ZNF486: variants seen among roughly 807,000 people sequenced by gnomAD.
ZNF486 encodes the protein KRAB box only protein 2.
Under a neutral mutation model 12.8 loss-of-function variants are expected in ZNF486, and 12 were observed. The observed-to-expected ratio is 0.94, with a 90% CI of 0.60 to 1.52. The LOEUF (loss-of-function observed/expected upper bound fraction) is 1.52, where lower values mean the gene tolerates loss of function less well. Ranked by LOEUF, ZNF486 falls within the 40% of genes most tolerant of loss-of-function variation. The pLI, the probability that ZNF486 is intolerant of heterozygous loss-of-function variation, is 0.00. For synonymous variants in ZNF486, 231 were observed against 184.9 expected (o/e 1.25, Z -2.02); for missense variants, 738 against 545.0 (o/e 1.35, Z -3.53).
chr19:20,168,085 G>T (rs1555713277), intron 1 of ZNF486, among the ~76,000 whole-genome samples: 2 of 152,142 alleles, frequency 1.3e-5, no homozygotes, highest in Admixed American at 6.5e-5. Context: ...TTCCTGGTCG[G>T]GCGCGGTGGC....
At chr19:20,191,921 A>G (rs1555717259) in intron 3 of ZNF486, among the ~76,000 whole-genome samples, 3 of 152,160 alleles carry the variant, frequency 2.0e-5, no homozygotes, top group East Asian at 1.9e-4. Context: ...CTTGATGTCT[A>G]CAATTTTTAT....
intron 1 of ZNF486, among the ~76,000 whole-genome samples, chr19:20,182,557 C>T (rs1310279195): frequency 6.6e-6 from 1 of 152,202 alleles, no homozygotes; most frequent in Non-Finnish European, 1.5e-5. Flanking sequence ...TCCACCTTTG[C>T]ACTAAAGGGT....
rs917770396 is a variant in ZNF486, at chr19:20,200,345, T to G, written c.*2243T>G. On this transcript the variant is annotated 3_prime_UTR_variant, in exon 4 of 4. Transcript: ENST00000335117. ...AGAGGCTCTTTGTAGTTAACCTATA[T>G]GAAGTAATGTATAAGGTAGGTCAGA... is the stretch of plus-strand genomic sequence containing the variant. 1 of 152,132 alleles carries G rather than the reference T, an allele frequency of 6.6e-6. No homozygotes were observed. The highest frequency in any genetic ancestry group is 1.9e-4 in the East Asian group (1 of 5,186). 9.4% of individuals were successfully genotyped at this position (152,132 alleles called of 1,614,324 possible). A position where few individuals can be genotyped will look rare whatever the true frequency, so the allele number is the denominator to read the frequency against.
chr19:20,186,308 C>T (rs999391226), intron 3 of ZNF486, among the ~76,000 whole-genome samples: 2 of 152,128 alleles, frequency 1.3e-5, no homozygotes, highest in African/African-American at 2.4e-5. Context: ...TTTCGGTGAG[C>T]TTCCTTCAAG....
chr19:20,170,422 C>G (rs1292534627), intron 1 of ZNF486, among the ~76,000 whole-genome samples: 1 of 151,940 alleles, frequency 6.6e-6, no homozygotes, highest in Non-Finnish European at 1.5e-5. Flanking sequence ...CAAAAATTAG[C>G]CAAGCGTCTT....
chr19:20,177,002 T>G (rs1316529560), intron 1 of ZNF486: 2 of 152,274 alleles, frequency 1.3e-5, no homozygotes, highest in Admixed American at 6.5e-5. Context: ...AACACTGCTC[T>G]CATTTTCATT....
rs527330461 is a variant in ZNF486 at position 20,167,250 on chromosome 19, C to T, written c.-81C>T. Reference sequence around the variant, plus strand: ...CATCTGGAGCTCTAGGTCGCCTCTTCGCTACTCTGTGTCCTCTGCTCCTAG... The same window carrying T: ...CATCTGGAGCTCTAGGTCGCCTCTTTGCTACTCTGTGTCCTCTGCTCCTAG... On this transcript the variant is annotated 5_prime_UTR_variant, in exon 1 of 4. Transcript: ENST00000335117. 35 of 1,579,740 alleles carry T rather than the reference C, an allele frequency of 2.2e-5. No homozygotes were observed. Among genetic ancestry groups the T allele is most frequent in the Admixed American group, 3.3e-5 (2 of 59,904 alleles).
chr19:20,194,017 CTAAT>C (rs1288393545), intron 3 of ZNF486, among the ~76,000 whole-genome samples: 3 of 151,926 alleles, frequency 2.0e-5, no homozygotes, highest in African/African-American at 7.3e-5. Context: ...ACTGATTTTG[CTAAT>C]TATATTTTTT....
chr19:20,175,861 G>T (rs540179934), intron 1 of ZNF486, among the ~76,000 whole-genome samples: 4 of 152,340 alleles, frequency 2.6e-5, no homozygotes, highest in African/African-American at 9.6e-5. Flanking sequence ...CCTCCCAGAT[G>T]GGGTGGTGGC....
At chr19:20,191,503 C>T (rs926292689) in intron 3 of ZNF486, among the ~76,000 whole-genome samples, 5 of 149,858 alleles carry the variant, frequency 3.3e-5, no homozygotes, top group African/African-American at 7.4e-5. Context: ...GGGGCGGTGG[C>T]TCACACCTGT....
At chr19:20,184,199 C>T (rs938194563) in intron 1 of ZNF486, among the ~76,000 whole-genome samples, 157 bp from the exon 2 acceptor site, 5 of 151,884 alleles carry the variant, frequency 3.3e-5, no homozygotes, top group Non-Finnish European at 5.9e-5. Context: ...ATAGAGAATA[C>T]ATTAGAAAAT....
intron 1 of ZNF486, among the ~76,000 whole-genome samples, chr19:20,178,836 T>C (rs548750143): frequency 7.9e-5 from 12 of 152,318 alleles, no homozygotes; most frequent in Admixed American, 6.5e-4. Flanking sequence ...CTCCTGTATC[T>C]TCAGACTTGA....
intron 3 of ZNF486, among the ~76,000 whole-genome samples, chr19:20,190,467 C>T (rs184933770): frequency 1.3e-5 from 2 of 152,176 alleles, no homozygotes; most frequent in African/African-American, 2.4e-5. Context: ...TCACTATAGC[C>T]TCAGCCTCCT....
rs779231492 is a variant in ZNF486, at chr19:20,167,244, C to T, written c.-87C>T. 3.9e-6 allele frequency: 6 copies of T among 1,551,382 alleles called. No individual in the cohort carries two copies. Among genetic ancestry groups the T allele is most frequent in the Admixed American group, 3.3e-5 (2 of 59,770 alleles). ...TCGCTGCATCTGGAGCTCTAGGTCG[C>T]CTCTTCGCTACTCTGTGTCCTCTGC... On this transcript the variant is annotated 5_prime_UTR_variant, in exon 1 of 4. Transcript: ENST00000335117.
chr19:20,185,333 T>G (rs536302787), intron 2 of ZNF486, among the ~76,000 whole-genome samples: 98 of 152,118 alleles, frequency 6.4e-4, no homozygotes, highest in African/African-American at 2.2e-3. Flanking sequence ...TATACTTGTA[T>G]GTTAATTTTA....
In ZNF486 at chr19:20,191,470, A is replaced by C. The variant is rs1166449584; in HGVS notation, c.253+5388A>C. Among the ~76,000 whole-genome samples the C allele has an allele frequency of 5.8e-5, 8 of 137,804 alleles. No individual in the cohort carries two copies. In the Admixed American group the frequency reaches 6.0e-4, roughly 10 times the overall value. 90.4% of individuals were successfully genotyped at this position (137,804 alleles called of 152,430 possible). A position where few individuals can be genotyped will look rare whatever the true frequency, so the allele number is the denominator to read the frequency against. The stretch of plus-strand genomic sequence containing the variant: ...CGACAGCGAGATTCCTTCAAAAAAA[A>C]AAAAAAATTATGCACTCGGCTGGGG... On this transcript the variant is annotated intron_variant, in intron 3 of 3. Coordinates refer to ENST00000335117, the MANE Select transcript of ZNF486 (RefSeq NM_052852.4).
At chr19:20,182,129 T>A (rs1486960037) in intron 1 of ZNF486, among the ~76,000 whole-genome samples, 1 of 152,196 alleles carries the variant, frequency 6.6e-6, no homozygotes, top group African/African-American at 2.4e-5. Flanking sequence ...AAGTATTTGG[T>A]TGTGAAAAGA....
intron 3 of ZNF486, among the ~76,000 whole-genome samples, chr19:20,194,977 G>A (rs1555717684): frequency 2.0e-5 from 3 of 151,224 alleles, no homozygotes; most frequent in African/African-American, 4.9e-5. Flanking sequence ...TCGGTTTTTT[G>A]GTATTTTAGT....
intron 1 of ZNF486, among the ~76,000 whole-genome samples, chr19:20,178,020 T>C (rs1013846160): frequency 9.3e-5 from 14 of 150,332 alleles, no homozygotes; most frequent in African/African-American, 3.2e-4. Context: ...GCCTCCTGGG[T>C]TCAAGAGATT....
Sources: allele counts gnomAD v4.1 joint callset (sites outside exome capture counted in the v4.1 genomes callset), GRCh38; gene constraint gnomAD v4.1.1; transcripts MANE v1.5; gene names NCBI Gene and HGNC (gene_info 2026-07-23, HGNC 2026-07-21).